Variants in PIK3CA observed in about 807,000 individuals in gnomAD.
PIK3CA encodes phosphatidylinositol-4,5-bisphosphate 3-kinase catalytic subunit alpha.
In PIK3CA, 27 loss-of-function variants were observed where a neutral mutation model predicts 138.2. The observed-to-expected ratio is 0.20, with a 90% confidence interval of 0.14 to 0.27. The LOEUF (loss-of-function observed/expected upper bound fraction) is 0.27, where lower values mean the gene tolerates loss of function less well. PIK3CA is among the 10% of genes least tolerant of loss of function. PIK3CA has a pLI of 1.00. For synonymous variants in PIK3CA, 358 were observed against 413.2 expected, an observed-to-expected ratio of 0.87 and a Z score of 1.62; for missense variants, 544 against 1,277.4, an observed-to-expected ratio of 0.43 and a Z score of 8.75.
intron 15 of PIK3CA, among the ~76,000 whole-genome samples, chr3:179,224,464 A>G (rs1236466350): frequency 7.0e-6 from 1 of 143,306 alleles, no homozygotes; most frequent in Non-Finnish European, 1.5e-5. Flanking sequence ...TATCTGTAAA[A>G]CTAATGATAT....
rs1438077839 is a variant in PIK3CA, at chr3:179,230,937, T to TTG, written c.2936+562_2936+563dup. ...GCACCTGTAACCCAAGTAGTGTGCT[T>TTG]TGCCCCCAGTATATACTTTTTTATC... On this transcript the variant is annotated intron_variant, in intron 20 of 20. Coordinates refer to ENST00000263967, the MANE Select transcript of PIK3CA (RefSeq NM_006218.4). This position sits in a 1 kb window ranked among gnomAD's most constrained non-coding sequence, Gnocchi z 5.4. Among the ~76,000 whole-genome samples, 1 of 152,108 alleles carries TTG rather than the reference T, an allele frequency of 6.6e-6. No homozygotes were observed. Among genetic ancestry groups the TTG allele is most frequent in the Non-Finnish European group, 1.5e-5 (1 of 68,012 alleles).
chr3:179,190,330 A>G (rs1373168175), intron 1 of PIK3CA, among the ~76,000 whole-genome samples: 2 of 146,764 alleles, frequency 1.4e-5, no homozygotes, highest in Non-Finnish European at 3.0e-5. Flanking sequence ...CCCCCAGCAT[A>G]AAAGACCCTA....
rs1485291937 is a variant in PIK3CA at position 179,240,064 on chromosome 3, G to T, written c.*5700G>T. 46 of 1,535,728 alleles carry T rather than the reference G, an allele frequency of 3.0e-5. No homozygotes were observed. The East Asian group carries it at 1.0e-3, about 34-fold the overall frequency. On this transcript the variant is annotated 3_prime_UTR_variant, in exon 21 of 21. Transcript: ENST00000263967. The stretch of plus-strand genomic sequence containing the variant: ...TTAACTCTGCAGTCTGTAACATCAC[G>T]CTGTTTATTAAAAAAAAAAAGAAAA...
At chr3:179,173,326 A>G in intron 1 of PIK3CA, among the ~76,000 whole-genome samples, 1 of 144,144 alleles carries the variant, frequency 6.9e-6, no homozygotes, top group Admixed American at 7.3e-5. Flanking sequence ...TGGGAGGCTG[A>G]GGCGGGTTGA....
Position 179,238,589 on chromosome 3 carries a change from C to A in PIK3CA, c.*4225C>A, listed in dbSNP as rs888560598. 3 of 220,830 alleles carry A rather than the reference C, an allele frequency of 1.4e-5. No homozygotes were observed. Among genetic ancestry groups the A allele is most frequent in the Non-Finnish European group, 2.7e-5 (3 of 110,234 alleles). The allele number at this position is 220,830 out of a possible 1,614,324, so 13.7% of individuals were successfully genotyped here. On this transcript the variant is annotated 3_prime_UTR_variant, in exon 21 of 21. Coordinates refer to ENST00000263967, the MANE Select transcript of PIK3CA (RefSeq NM_006218.4). Reference sequence around the variant, plus strand: ...GATTTATAAAGTCAGAGTTGGCATGCCTTGTTTTTAATGATATGGAAGACC... The same window carrying A: ...GATTTATAAAGTCAGAGTTGGCATGACTTGTTTTTAATGATATGGAAGACC...
chr3:179,187,406 C>T (rs377535557), intron 1 of PIK3CA, among the ~76,000 whole-genome samples: 1 of 150,684 alleles, frequency 6.6e-6, no homozygotes, highest in Non-Finnish European at 1.5e-5. Context: ...GGCGTGGTGG[C>T]GGGCGCCTGT....
chr3:179,211,766 T>C (rs1373291517), intron 9 of PIK3CA, among the ~76,000 whole-genome samples: 1 of 152,222 alleles, frequency 6.6e-6, no homozygotes, highest in Non-Finnish European at 1.5e-5. Flanking sequence ...AAGTGATCTC[T>C]CACAGTTCTT....
chr3:179,157,957 T>C (rs1334548540), intron 1 of PIK3CA, among the ~76,000 whole-genome samples: 4 of 152,138 alleles, frequency 2.6e-5, no homozygotes, highest in Non-Finnish European at 5.9e-5. Flanking sequence ...TAAATAATAC[T>C]TGAAAGCATT....
chr3:179,188,182 A>G (rs1037376117), intron 1 of PIK3CA, among the ~76,000 whole-genome samples: 4 of 152,192 alleles, frequency 2.6e-5, no homozygotes, highest in African/African-American at 9.7e-5. Flanking sequence ...CTATATGTTA[A>G]ATAATCTGGA....
At chr3:179,177,653 A>G (rs372769154) in intron 1 of PIK3CA, among the ~76,000 whole-genome samples, 4 of 152,202 alleles carry the variant, frequency 2.6e-5, no homozygotes. Flanking sequence ...ATTATAAAGT[A>G]TAGTGGAAGA....
chr3:179,179,615 CTT>C (rs1302290885), intron 1 of PIK3CA, among the ~76,000 whole-genome samples: 1 of 152,142 alleles, frequency 6.6e-6, no homozygotes, highest in African/African-American at 2.4e-5. Flanking sequence ...AGTCATCAAA[CTT>C]AATGCTTAAG....
rs1172158562 is a variant in PIK3CA at position 179,230,598 on chromosome 3, T to C, written c.2936+222T>C. 2.0e-5 allele frequency among the ~76,000 whole-genome samples: 3 copies of C among 151,852 alleles called. No homozygotes were observed. Among genetic ancestry groups the C allele is most frequent in the African/African-American group, 7.3e-5 (3 of 41,338 alleles). ...GAGAGAATTCATGTCTACAAAAAAA[T>C]TTAAAAAGTAGCCAGGCGTGGTGGC... On this transcript the variant is annotated intron_variant, in intron 20 of 20. Coordinates refer to ENST00000263967, the MANE Select transcript of PIK3CA (RefSeq NM_006218.4). This position sits in a 1 kb window ranked among gnomAD's most constrained non-coding sequence, Gnocchi z 5.4.
At chr3:179,193,975 ATCC>A (rs1724199597) in intron 1 of PIK3CA, among the ~76,000 whole-genome samples, 1 of 152,064 alleles carries the variant, frequency 6.6e-6, no homozygotes, top group Non-Finnish European at 1.5e-5. Context: ...TAATAATCCC[ATCC>A]TCTTTATTGG....
At chr3:179,159,249 AAAAAT>A (rs551104603) in intron 1 of PIK3CA, among the ~76,000 whole-genome samples, 258 of 152,324 alleles carry the variant, frequency 1.7e-3, no homozygotes, top group Middle Eastern at 3.4e-3. Flanking sequence ...TGTACAATGA[AAAAAT>A]AACATGACAT....
intron 1 of PIK3CA, among the ~76,000 whole-genome samples, chr3:179,157,795 T>G (rs1281205875): frequency 6.6e-6 from 1 of 152,128 alleles, no homozygotes; most frequent in East Asian, 1.9e-4. Flanking sequence ...ATTAAGAGCA[T>G]GTTCTCTAGA....
intron 1 of PIK3CA, among the ~76,000 whole-genome samples, chr3:179,148,940 T>A (rs866884095): frequency 3.9e-5 from 6 of 152,144 alleles, no homozygotes; most frequent in Non-Finnish European, 7.4e-5. Flanking sequence ...GCGGTGGCTC[T>A]GTCTCCCGCG....
At chr3:179,211,217 T>C (rs551760582) in intron 9 of PIK3CA, among the ~76,000 whole-genome samples, 2 of 152,272 alleles carry the variant, frequency 1.3e-5, no homozygotes, top group South Asian at 4.1e-4. Context: ...CCATACATGG[T>C]ACCACTCATA....
intron 1 of PIK3CA, among the ~76,000 whole-genome samples, chr3:179,167,104 A>G (rs1336343737): frequency 1.3e-5 from 2 of 152,276 alleles, no homozygotes; most frequent in African/African-American, 4.8e-5. Flanking sequence ...TTCCAAAAAG[A>G]GTTCTTCAGT....
At chr3:179,155,322 A>G (rs1190747083) in intron 1 of PIK3CA, among the ~76,000 whole-genome samples, 1 of 152,186 alleles carries the variant, frequency 6.6e-6, no homozygotes, top group Non-Finnish European at 1.5e-5. Flanking sequence ...ATATTTAGAA[A>G]TAAAAATACT....
Sources: allele counts gnomAD v4.1 joint callset (sites outside exome capture counted in the v4.1 genomes callset), GRCh38; gene constraint gnomAD v4.1.1; non-coding constraint Gnocchi (gnomAD v3.1); transcripts MANE v1.5; gene names NCBI Gene and HGNC (gene_info 2026-07-23, HGNC 2026-07-21).